The following SYN2 variants were observed in gnomAD, a reference collection of about 807,000 sequenced individuals.
SYN2 encodes the protein synapsin-2.
SYN2 carries 19 observed loss-of-function variants against 50.9 expected under a neutral mutation model. The observed-to-expected ratio is 0.37, with a 90% confidence interval of 0.26 to 0.55. The LOEUF (loss-of-function observed/expected upper bound fraction) is 0.55. SYN2 is among the 20% of genes least tolerant of loss of function. SYN2 has a pLI of 0.81. For missense variants in SYN2, 587 were observed against 576.4 expected, an observed-to-expected ratio of 1.02 and a Z score of -0.19; for synonymous variants, 255 against 224.9, an observed-to-expected ratio of 1.13 and a Z score of -1.20.
chr3:12,140,338 C>T (rs1215803594), intron 1 of SYN2, among the ~76,000 whole-genome samples: 1 of 151,418 alleles, frequency 6.6e-6, no homozygotes, highest in Non-Finnish European at 1.5e-5. Flanking sequence ...GCTGATCTAG[C>T]CTTTATGAAG....
chr3:12,067,747 T>G (rs1025073588), intron 1 of SYN2, among the ~76,000 whole-genome samples: 1 of 152,236 alleles, frequency 6.6e-6, no homozygotes, highest in Non-Finnish European at 1.5e-5. Flanking sequence ...TTAAGCATTC[T>G]ATAAATTTTT....
At chr3:12,037,883 C>T (rs1559394700) in intron 1 of SYN2, among the ~76,000 whole-genome samples, 1 of 152,142 alleles carries the variant, frequency 6.6e-6, no homozygotes, top group African/African-American at 2.4e-5. Flanking sequence ...TGGTAGTGTT[C>T]TTTGGAGCAC....
intron 5 of SYN2, chr3:12,156,961 A>G (rs1001795055): frequency 1.1e-5 from 17 of 1,540,534 alleles, no homozygotes; most frequent in Non-Finnish European, 1.4e-5. Context: ...AAAAAAGGCA[A>G]TATTGGGTCA....
chr3:12,135,502 G>A (rs1696878316), intron 1 of SYN2, among the ~76,000 whole-genome samples: 1 of 152,200 alleles, frequency 6.6e-6, no homozygotes, highest in Admixed American at 6.5e-5. Context: ...CTCCCTAAAT[G>A]CCTTCTGGAG....
chr3:12,079,355 A>G (rs1695539133), intron 1 of SYN2, among the ~76,000 whole-genome samples: 1 of 152,150 alleles, frequency 6.6e-6, no homozygotes, highest in Admixed American at 6.5e-5. Flanking sequence ...AGGAGTGGTG[A>G]GAGAGGGCAT....
intron 1 of SYN2, among the ~76,000 whole-genome samples, chr3:12,050,464 G>A (rs1694831974): frequency 6.7e-6 from 1 of 149,488 alleles, no homozygotes; most frequent in African/African-American, 2.5e-5. Flanking sequence ...TTCTGCCTCC[G>A]CCTCCCAAGT....
intron 1 of SYN2, among the ~76,000 whole-genome samples, chr3:12,136,110 A>G (rs545029349): frequency 1.7e-4 from 26 of 152,322 alleles, no homozygotes; most frequent in South Asian, 6.2e-4. Flanking sequence ...TGTGAGCCAA[A>G]TATCATGAGC....
intron 1 of SYN2, among the ~76,000 whole-genome samples, chr3:12,122,880 A>T (rs1247626065): frequency 2.0e-5 from 3 of 149,654 alleles, no homozygotes; most frequent in African/African-American, 7.5e-5. Context: ...AGAAAGACTT[A>T]AAAAAAAACA....
intron 8 of SYN2, among the ~76,000 whole-genome samples, chr3:12,167,839 A>G (rs1697839009): frequency 6.6e-6 from 1 of 152,222 alleles, no homozygotes; most frequent in South Asian, 2.1e-4. Flanking sequence ...TGCTGATAAA[A>G]ATATGGACGG....
chr3:12,107,297 A>G (rs1033329660), intron 1 of SYN2, among the ~76,000 whole-genome samples: 1 of 152,178 alleles, frequency 6.6e-6, no homozygotes, highest in Non-Finnish European at 1.5e-5. Context: ...TTGGAATTGA[A>G]AGTCTGTTAC....
At chr3:12,027,664 C>T (rs986370339) in intron 1 of SYN2, among the ~76,000 whole-genome samples, 5 of 152,134 alleles carry the variant, frequency 3.3e-5, no homozygotes, top group Admixed American at 6.5e-5. Context: ...ATATTATCTC[C>T]GTTTAGCATA....
intron 1 of SYN2, among the ~76,000 whole-genome samples, chr3:12,038,290 A>G (rs1694543427): frequency 6.6e-6 from 1 of 152,170 alleles, no homozygotes. Context: ...ATTTGTTCTT[A>G]TATCAATATC....
intron 1 of SYN2, among the ~76,000 whole-genome samples, chr3:12,062,194 G>T (rs894783932): frequency 6.6e-6 from 1 of 151,904 alleles, no homozygotes; most frequent in African/African-American, 2.4e-5. Context: ...TCAATCAATG[G>T]AACAGAGAGC....
intron 1 of SYN2, among the ~76,000 whole-genome samples, chr3:12,139,083 T>C (rs1696960711): frequency 6.6e-6 from 1 of 151,982 alleles, no homozygotes; most frequent in African/African-American, 2.4e-5. Flanking sequence ...TAATAAGAAA[T>C]TGGGGCAGAG....
intron 1 of SYN2, among the ~76,000 whole-genome samples, chr3:12,052,616 C>G (rs1574911831): frequency 6.6e-6 from 1 of 152,106 alleles, no homozygotes; most frequent in East Asian, 1.9e-4. Flanking sequence ...CTCTGGATAA[C>G]ATGATAAAGA....
chr3:12,061,675 A>AC (rs1243692438), intron 1 of SYN2, among the ~76,000 whole-genome samples: 1 of 152,084 alleles, frequency 6.6e-6, no homozygotes, highest in African/African-American at 2.4e-5. Flanking sequence ...CCTGGAACAT[A>AC]AACAAGTAGA....
chr3:12,045,114 A>G (rs911021910), intron 1 of SYN2, among the ~76,000 whole-genome samples: 1 of 152,204 alleles, frequency 6.6e-6, no homozygotes, highest in Admixed American at 6.5e-5. Context: ...AATCTAGTTA[A>G]GTTCCAACCC....
intron 1 of SYN2, chr3:12,070,869 C>T (rs934602707): frequency 1.7e-6 from 1 of 573,812 alleles, no homozygotes; most frequent in African/African-American, 1.9e-5. Flanking sequence ...TCTTGGGTGA[C>T]ATCAAGGAGA....
At chr3:12,102,026 A>G (rs1313003303) in intron 1 of SYN2, among the ~76,000 whole-genome samples, 2 of 152,192 alleles carry the variant, frequency 1.3e-5, no homozygotes, top group Admixed American at 6.5e-5. Context: ...GTAAAGGAAA[A>G]ATGAGAAATC....
Sources: allele counts gnomAD v4.1 joint callset (sites outside exome capture counted in the v4.1 genomes callset), GRCh38; gene constraint gnomAD v4.1.1; transcripts MANE v1.5; gene names NCBI Gene and HGNC (gene_info 2026-07-23, HGNC 2026-07-21).